Variants in SUSD5 observed in about 807,000 individuals in gnomAD.
SUSD5 encodes sushi domain-containing protein 5.
Under a neutral mutation model 29.5 loss-of-function variants are expected in SUSD5, and 33 were observed. The observed-to-expected ratio is 1.12, with a 90% confidence interval of 0.85 to 1.49. The LOEUF (loss-of-function observed/expected upper bound fraction) is 1.49. SUSD5 is among the 40% of genes most tolerant of loss of function. The probability of loss-of-function intolerance (pLI) is 0.00; values close to 1 mark genes in which losing one functional copy is unlikely to be tolerated. For synonymous variants in SUSD5, 308 were observed against 325.3 expected, an observed-to-expected ratio of 0.95 and a Z score of 0.57; for missense variants, 776 against 800.6, an observed-to-expected ratio of 0.97 and a Z score of 0.37.
Position 33,183,930 on chromosome 3 carries a change from C to CTTTTTTTT in SUSD5, c.410-8864_410-8857dup, listed in dbSNP as rs68055129. On this transcript the variant is annotated intron_variant, in intron 3 of 4. Coordinates refer to ENST00000309558, the MANE Select transcript of SUSD5 (RefSeq NM_015551.2). Reference sequence around the variant, plus strand: ...AACACTTTAAATATTTTATTACCCTCTTTTTTTTTTTTTTTTTTTTTTTTT... The same window carrying CTTTTTTTT: ...AACACTTTAAATATTTTATTACCCTCTTTTTTTTTTTTTTTTTTTTTTTTTTTTTTTTT... Among the ~76,000 whole-genome samples the CTTTTTTTT allele has an allele frequency of 5.8e-3, 364 of 62,550 alleles. 43 individuals are homozygous for CTTTTTTTT. The highest frequency in any genetic ancestry group is 0.01 in the African/African-American group (135 of 13,304). 41.0% of individuals were successfully genotyped at this position (62,550 alleles called of 152,430 possible). A position where few individuals can be genotyped will look rare whatever the true frequency, so the allele number is the denominator to read the frequency against.
chr3:33,175,592 T>C (rs1230261758), intron 3 of SUSD5, among the ~76,000 whole-genome samples: 1 of 151,992 alleles, frequency 6.6e-6, no homozygotes, highest in Non-Finnish European at 1.5e-5. Flanking sequence ...CACACACATA[T>C]ATATACACAC....
In SUSD5 at chr3:33,176,789, G is replaced by A. The variant is rs529763422; in HGVS notation, c.410-1715C>T. ...TTTTTGTGAAGGGTGTAAGGTCTGC[G>A]TCTAGGTAATCGTTTTTGCATGTGG... On this transcript the variant is annotated intron_variant, in intron 3 of 4. Transcript: ENST00000309558. 3.0e-4 allele frequency among the ~76,000 whole-genome samples: 45 copies of A among 152,292 alleles called. 1 individual carries two copies. The South Asian group carries it at 6.6e-3, about 22-fold the overall frequency.
At chr3:33,213,337 G>C (rs1381769390) in intron 2 of SUSD5, among the ~76,000 whole-genome samples, 1 of 152,158 alleles carries the variant, frequency 6.6e-6, no homozygotes, top group Admixed American at 6.5e-5. Context: ...CCAGGATGTT[G>C]AGGCTGCAGT....
intron 3 of SUSD5, among the ~76,000 whole-genome samples, chr3:33,196,913 T>C (rs2032006814): frequency 6.6e-6 from 1 of 152,220 alleles, no homozygotes; most frequent in South Asian, 2.1e-4. Flanking sequence ...TTTGAGTCCT[T>C]GCTCCCCTAC....
intron 4 of SUSD5, among the ~76,000 whole-genome samples, chr3:33,154,974 C>T (rs2031017165): frequency 6.6e-6 from 1 of 151,932 alleles, no homozygotes; most frequent in Non-Finnish European, 1.5e-5. Context: ...ATAGACAAGG[C>T]GATATTGAAA....
intron 4 of SUSD5, among the ~76,000 whole-genome samples, chr3:33,162,044 G>A (rs2031200748): frequency 6.6e-6 from 1 of 152,026 alleles, no homozygotes; most frequent in African/African-American, 2.4e-5. Flanking sequence ...AGTGCACATA[G>A]AATAATTTTT....
intron 3 of SUSD5, among the ~76,000 whole-genome samples, chr3:33,185,105 T>C (rs1264870995): frequency 1.3e-5 from 2 of 152,206 alleles, no homozygotes. Flanking sequence ...TTTGTCAGCA[T>C]GTGCCCCTGG....
At chr3:33,190,989 G>A (rs2031878897) in intron 3 of SUSD5, among the ~76,000 whole-genome samples, 1 of 152,034 alleles carries the variant, frequency 6.6e-6, no homozygotes, top group Non-Finnish European at 1.5e-5. Context: ...AGATTTAGGA[G>A]CTTATATACC....
intron 1 of SUSD5, among the ~76,000 whole-genome samples, chr3:33,215,515 T>C (rs570315745): frequency 6.6e-6 from 1 of 152,330 alleles, no homozygotes; most frequent in South Asian, 2.1e-4. Context: ...GTTGTTCAAA[T>C]TGCTTTACAA....
At chr3:33,203,013 G>A (rs1469756075) in intron 3 of SUSD5, among the ~76,000 whole-genome samples, 1 of 152,304 alleles carries the variant, frequency 6.6e-6, no homozygotes, top group African/African-American at 2.4e-5. Context: ...AAAAAGGCAA[G>A]CTTTGGAGGA....
chr3:33,193,700 A>G (rs892872693), intron 3 of SUSD5, among the ~76,000 whole-genome samples: 18 of 152,210 alleles, frequency 1.2e-4, no homozygotes, highest in Non-Finnish European at 5.9e-5. Flanking sequence ...AAGTATGACA[A>G]TGAGAAATAT....
intron 3 of SUSD5, among the ~76,000 whole-genome samples, chr3:33,199,265 A>G (rs915748926): frequency 3.3e-5 from 5 of 151,234 alleles, no homozygotes; most frequent in African/African-American, 1.2e-4. Context: ...CATATACACA[A>G]AAATAAGTTG....
chr3:33,153,165 C>A lies in SUSD5; in HGVS notation c.1467G>T (p.Glu489Asp), dbSNP rs1296470798. ...ATATCTCCAGGGTGGAGCTGGTGAG[C>A]TCATAGGACAGGGTGGCCATGGGAG... ...EESPMATLSY[E>D]LTSSTLEILT... is the part of the protein sequence containing the mutation. The change falls in exon 5 of 5, where the codon GAG becomes GAT. Residue 489 changes from glutamate (E) to aspartate (D), a missense_variant. By Grantham distance (45) the Glu-to-Asp change is conservative. Transcript: ENST00000309558. 55 of 1,613,818 alleles carry A rather than the reference C, an allele frequency of 3.4e-5. No homozygotes were observed. The highest frequency in any genetic ancestry group is 4.6e-5 in the Non-Finnish European group (54 of 1,179,828).
Position 33,153,959 on chromosome 3 carries a change from C to T in SUSD5, c.673G>A (p.Glu225Lys), listed in dbSNP as rs770182504. The T allele has an allele frequency of 6.2e-7, 1 of 1,613,912 alleles. No homozygotes were observed. Among genetic ancestry groups the T allele is most frequent in the Non-Finnish European group, 8.5e-7 (1 of 1,179,854 alleles). ...TCATCTGCCTCTGTCCGGGAATCCT[C>T]CATGAGCTCTCTGAATGACACAGAT... The part of the protein sequence containing the change: ...DRSVSFRELM[E>K]DSRTEADEDR... The change falls in exon 5 of 5, where the codon GAG (glutamate) becomes AAG (lysine). Residue 225 changes from glutamate to lysine, a missense_variant. Glu to Lys is a moderately conservative substitution (Grantham distance 56). Transcript: ENST00000309558.
intron 3 of SUSD5, among the ~76,000 whole-genome samples, chr3:33,186,605 T>G (rs2031784869): frequency 6.6e-6 from 1 of 151,894 alleles, no homozygotes; most frequent in South Asian, 2.1e-4. Context: ...TTTTGTATTT[T>G]TAGTACAGAC....
chr3:33,204,513 G>A lies in SUSD5; in HGVS notation c.409+3295C>T, dbSNP rs2032177197. On this transcript the variant is annotated intron_variant, in intron 3 of 4. Transcript: ENST00000309558. This position sits in a 1 kb window ranked among gnomAD's most constrained non-coding sequence, Gnocchi z 4.5. ...TTTTTTTGTATTTTTAGTAGAGACA[G>A]GGTTTCACCATGTTAGCCAGGATGG... Among the ~76,000 whole-genome samples the A allele has an allele frequency of 6.6e-6, 1 of 151,966 alleles. No individual in the cohort carries two copies. Among genetic ancestry groups the A allele is most frequent in the Non-Finnish European group, 1.5e-5 (1 of 67,984 alleles).
Position 33,152,485 on chromosome 3 carries a change from C to T in SUSD5, c.*257G>A. On this transcript the variant is annotated 3_prime_UTR_variant, in exon 5 of 5. Transcript: ENST00000309558. ...TTTTGACCTCACACTGGAAACAGGG[C>T]CCAAGCACAGGTCTGGGATTAGTGT... The T allele has an allele frequency of 2.2e-6, 1 of 454,566 alleles. No homozygotes were observed. Among genetic ancestry groups the T allele is most frequent in the East Asian group, 3.5e-5 (1 of 28,338 alleles). The allele number at this position is 454,566 out of a possible 1,614,324, so 28.2% of individuals were successfully genotyped here.
intron 2 of SUSD5, among the ~76,000 whole-genome samples, chr3:33,209,513 T>C (rs1270298013): frequency 5.9e-5 from 9 of 152,116 alleles, no homozygotes; most frequent in Admixed American, 5.9e-4. Flanking sequence ...TCCAGTTCAC[T>C]AATCCTCTCT....
Position 33,152,631 on chromosome 3 carries a change from A to T in SUSD5, c.*111T>A. The T allele has an allele frequency of 8.1e-7, 1 of 1,233,872 alleles. No homozygotes were observed. The highest frequency in any genetic ancestry group is 1.1e-6 in the Non-Finnish European group (1 of 900,604). 76.4% of individuals were successfully genotyped at this position (1,233,872 alleles called of 1,614,324 possible). ...CAGCCTATAAAACAAAGGGCTGAGG[A>T]AAAAATGATGAGCCTCAGTCCACCT... On this transcript the variant is annotated 3_prime_UTR_variant, in exon 5 of 5. Coordinates refer to ENST00000309558, the MANE Select transcript of SUSD5 (RefSeq NM_015551.2).
Sources: gnomAD v4.1 joint callset for allele counts (sites outside exome capture counted in the v4.1 genomes callset) on GRCh38, gnomAD v4.1.1 for gene constraint, Gnocchi (gnomAD v3.1) non-coding constraint, MANE v1.5 for transcripts, NCBI Gene and HGNC (gene_info 2026-07-23, HGNC 2026-07-21) for gene names.